B3GLCT: variants seen among roughly 807,000 people sequenced by gnomAD.
B3GLCT encodes beta 3-glucosyltransferase.
B3GLCT carries 65 observed loss-of-function variants against 63.4 expected under a neutral mutation model. The observed-to-expected ratio is 1.03, with a 90% CI of 0.84 to 1.26. B3GLCT has a LOEUF of 1.26. B3GLCT is among the 50% of genes most tolerant of loss of function. B3GLCT has a pLI of 0.00. For missense variants in B3GLCT, 577 were observed against 604.8 expected, an observed-to-expected ratio of 0.95 and a Z score of 0.48; for synonymous variants, 233 against 219.2, an observed-to-expected ratio of 1.06 and a Z score of -0.55.
rs151234217 is a variant in B3GLCT at position 31,225,167 on chromosome 13, T to A, written c.160+2176T>A. Among the ~76,000 whole-genome samples the A allele has an allele frequency of 3.1e-3, 474 of 152,340 alleles. 1 individual carries two copies. Among genetic ancestry groups the A allele is most frequent in the Non-Finnish European group, 5.1e-3 (347 of 68,028 alleles). ...TGTCAGGCACTTAGTGTGCGGCCCA[T>A]TTATTGCCCATTCCTGGGGGAGAAA... On this transcript the variant is annotated intron_variant, in intron 3 of 14. Transcript: ENST00000343307.
intron 12 of B3GLCT, among the ~76,000 whole-genome samples, chr13:31,298,017 G>A (rs1022467618): frequency 2.0e-5 from 3 of 152,130 alleles, no homozygotes; most frequent in South Asian, 2.1e-4. Flanking sequence ...ATATAGCCAC[G>A]ATTGATTAAA....
At chr13:31,221,311 A>T (rs1869802047) in intron 2 of B3GLCT, among the ~76,000 whole-genome samples, 1 of 152,186 alleles carries the variant, frequency 6.6e-6, no homozygotes, top group South Asian at 2.1e-4. Flanking sequence ...GTGGAGCCAA[A>T]TGGCTCCTCT....
intron 12 of B3GLCT, among the ~76,000 whole-genome samples, chr13:31,299,479 A>G (rs1012049529): frequency 6.6e-6 from 1 of 152,122 alleles, no homozygotes; most frequent in Non-Finnish European, 1.5e-5. Flanking sequence ...GTCAAGACCC[A>G]TTTGTAGCCC....
intron 3 of B3GLCT, 78 bp from the exon 4 acceptor site, chr13:31,229,107 A>T (rs898151373): frequency 1.1e-6 from 1 of 948,484 alleles, no homozygotes; most frequent in African/African-American, 1.6e-5. Context: ...CTTTGTAGCT[A>T]TTTTTTCACT....
At chr13:31,251,036 G>C (rs1306179076) in intron 6 of B3GLCT, among the ~76,000 whole-genome samples, 5 of 152,104 alleles carry the variant, frequency 3.3e-5, no homozygotes, top group African/African-American at 7.2e-5. Flanking sequence ...CAATCTTTGT[G>C]GTTCTGCACC....
rs1022885 is a variant in B3GLCT at position 31,247,332 on chromosome 13, A to G, written c.347+233A>G. ...AGTCTCGCTCTGTCGCCAGGCTGGA[A>G]TGCAGTGGTGACTTGGCTCCTGCAA... On this transcript the variant is annotated intron_variant, in intron 5 of 14. Coordinates refer to ENST00000343307, the MANE Select transcript of B3GLCT (RefSeq NM_194318.4). 0.98 allele frequency among the ~76,000 whole-genome samples: 148,471 copies of G among 152,218 alleles called. 72,420 individuals carry two copies. The highest frequency in any genetic ancestry group is 1 in the East Asian group (5,166 of 5,166).
rs984443442 is a variant in B3GLCT, at chr13:31,323,111, G to A, written c.1185-640G>A. Reference sequence around the variant, plus strand: ...GGAGTTCTGCACTGTTGCAGGGGACGGAGGAGGGGGTTGGCCACTAGCATT... The same window carrying A: ...GGAGTTCTGCACTGTTGCAGGGGACAGAGGAGGGGGTTGGCCACTAGCATT... On this transcript the variant is annotated intron_variant, in intron 13 of 14. Transcript: ENST00000343307. Among the ~76,000 whole-genome samples the A allele has an allele frequency of 4.6e-5, 7 of 152,312 alleles. No individual in the cohort carries two copies. In the East Asian group the frequency reaches 5.8e-4, roughly 13 times the overall value.
intron 2 of B3GLCT, among the ~76,000 whole-genome samples, chr13:31,218,164 G>A (rs987294751): frequency 6.8e-6 from 1 of 147,440 alleles, no homozygotes; most frequent in Non-Finnish European, 1.5e-5. Context: ...GTATTCCTAG[G>A]TGTTTTATTC....
At chr13:31,233,899 C>T (rs1195221030) in intron 4 of B3GLCT, among the ~76,000 whole-genome samples, 1 of 152,098 alleles carries the variant, frequency 6.6e-6, no homozygotes, top group African/African-American at 2.4e-5. Flanking sequence ...TATTTGAAGA[C>T]ATACTACGGG....
intron 13 of B3GLCT, among the ~76,000 whole-genome samples, chr13:31,321,071 G>C (rs1875307019): frequency 6.6e-6 from 1 of 152,206 alleles, no homozygotes; most frequent in South Asian, 2.1e-4. Context: ...ACACCTGTGT[G>C]TTTCATTTCT....
chr13:31,325,748 A>G (rs1875572953), intron 14 of B3GLCT, among the ~76,000 whole-genome samples: 2 of 152,334 alleles, frequency 1.3e-5, no homozygotes, highest in South Asian at 4.1e-4. Flanking sequence ...CTTTCCATTT[A>G]TAGTGTTTAA....
At chr13:31,229,808 T>G (rs1347509250) in intron 4 of B3GLCT, among the ~76,000 whole-genome samples, 1 of 149,732 alleles carries the variant, frequency 6.7e-6, no homozygotes, top group Non-Finnish European at 1.5e-5. Flanking sequence ...TATCATATTC[T>G]GAATTTTTTT....
At position 31,329,459 on chromosome 13, in the gene B3GLCT, A is replaced by G. The variant is rs760451831; in HGVS notation, c.1330-42A>G. The G allele has an allele frequency of 2.5e-6, 4 of 1,610,978 alleles. No homozygotes were observed. In the South Asian group the frequency reaches 4.4e-5, roughly 18 times the overall value. On this transcript the variant is annotated intron_variant, in intron 14 of 14. Transcript: ENST00000343307. ...AAATGCTCTTCTGCAGCAAAATTATATTCAATCAACAAGGAAGCCTAACTC... is the reference window on the plus strand; with the variant it reads ...AAATGCTCTTCTGCAGCAAAATTATGTTCAATCAACAAGGAAGCCTAACTC...
chr13:31,325,183 A>T (rs1337682089), intron 14 of B3GLCT, among the ~76,000 whole-genome samples: 2 of 152,196 alleles, frequency 1.3e-5, no homozygotes, highest in African/African-American at 4.8e-5. Context: ...GAGGATAAAA[A>T]GAGACCTTTA....
intron 4 of B3GLCT, among the ~76,000 whole-genome samples, chr13:31,231,880 G>C (rs1367785291): frequency 1.3e-5 from 2 of 152,222 alleles, no homozygotes; most frequent in Non-Finnish European, 2.9e-5. Context: ...CCAGGTACAA[G>C]AGCACTGGAT....
intron 10 of B3GLCT, among the ~76,000 whole-genome samples, chr13:31,282,899 T>TA (rs1345437600): frequency 2.0e-5 from 3 of 152,188 alleles, no homozygotes; most frequent in African/African-American, 7.2e-5. Flanking sequence ...ATTCAACTGT[T>TA]TATTGAGTGT....
chr13:31,302,507 T>A (rs1239713996), intron 12 of B3GLCT, among the ~76,000 whole-genome samples: 3 of 130,872 alleles, frequency 2.3e-5, no homozygotes, highest in African/African-American at 8.7e-5. Context: ...AGGCATTGCC[T>A]CACCTGGGAA....
chr13:31,310,270 G>A lies in B3GLCT; in HGVS notation c.1065-7296G>A, dbSNP rs78461100. ...CTCATACAGAGGGCTACCCACTTTG[G>A]GTCCCGTCTTGTGTTGAGAGCTGTT... On this transcript the variant is annotated intron_variant, in intron 12 of 14. Coordinates refer to ENST00000343307, the MANE Select transcript of B3GLCT (RefSeq NM_194318.4). 5.5e-3 allele frequency among the ~76,000 whole-genome samples: 834 copies of A among 152,246 alleles called. 12 individuals carry two copies. Among genetic ancestry groups the A allele is most frequent in the African/African-American group, 0.019 (801 of 41,536 alleles).
chr13:31,232,430 G>C (rs1054917281), intron 4 of B3GLCT, among the ~76,000 whole-genome samples: 3 of 129,400 alleles, frequency 2.3e-5, no homozygotes, highest in African/African-American at 8.0e-5. Context: ...TAGAGAGAGA[G>C]GGGAGGTGCT....
Sources: gnomAD v4.1 joint callset for allele counts (sites outside exome capture counted in the v4.1 genomes callset) on GRCh38, gnomAD v4.1.1 for gene constraint, MANE v1.5 for transcripts, NCBI Gene and HGNC (gene_info 2026-07-23, HGNC 2026-07-21) for gene names.